B3GALNT1: variants seen among roughly 807,000 people sequenced by gnomAD.
The protein encoded by B3GALNT1 is beta-1,3-N-acetylgalactosaminyltransferase 1 (Globoside blood group), also known as UDP-GalNAc:beta-1,3-N-acetylgalactosaminyltransferase 1.
B3GALNT1 carries 17 observed loss-of-function variants against 27.3 expected under a neutral mutation model. That is an observed-to-expected ratio of 0.62 (90% CI 0.43 to 0.94). B3GALNT1 has a LOEUF of 0.94. Among genes scored for constraint, B3GALNT1 ranks in the 40% least tolerant of loss-of-function variants. B3GALNT1 has a pLI of 0.00. For missense variants in B3GALNT1, 347 were observed against 390.0 expected (o/e 0.89, Z 0.93); for synonymous variants, 141 against 144.0 (o/e 0.98, Z 0.15).
chr3:161,084,754 T>C lies in B3GALNT1; in HGVS notation c.*1005A>G, dbSNP rs1720902048. The C allele has an allele frequency of 1.3e-5, 2 of 152,156 alleles. No homozygotes were observed. Among genetic ancestry groups the C allele is most frequent in the African/African-American group, 2.4e-5 (1 of 41,450 alleles). 9.4% of individuals were successfully genotyped at this position (152,156 alleles called of 1,614,324 possible). A position where few individuals can be genotyped will look rare whatever the true frequency, so the allele number is the denominator to read the frequency against. On this transcript the variant is annotated 3_prime_UTR_variant, in exon 5 of 5. Transcript: ENST00000320474. ...ACACAGGGCAGATTAATAATGCAACTTGGATCTTCACTCTTCTCTTTCCAA... is the reference window on the plus strand; with the variant it reads ...ACACAGGGCAGATTAATAATGCAACCTGGATCTTCACTCTTCTCTTTCCAA...
Position 161,086,341 on chromosome 3 carries a change from A to G in B3GALNT1, c.414T>C (p.Leu138=). The G allele has an allele frequency of 6.2e-7, 1 of 1,614,162 alleles. No individual in the cohort carries two copies. Among genetic ancestry groups the G allele is most frequent in the Non-Finnish European group, 8.5e-7 (1 of 1,180,034 alleles). The change falls in exon 5 of 5, where the codon CTT becomes CTC. Residue 138 remains leucine, a synonymous_variant. Coordinates refer to ENST00000320474, the MANE Select transcript of B3GALNT1 (RefSeq NM_003781.4). ...CTTGTCGGATTATGTCACCATAAAGAAGGTGTTCATCCTCTAAGGACAATG... is the reference window on the plus strand; with the variant it reads ...CTTGTCGGATTATGTCACCATAAAGGAGGTGTTCATCCTCTAAGGACAATG... ...MLALSLEDEH[L]LYGDIIRQDF...
In B3GALNT1 at chr3:161,086,300, T is replaced by C. The variant is rs1290300815; in HGVS notation, c.455A>G (p.Tyr152Cys). The C allele has an allele frequency of 6.2e-7, 1 of 1,614,218 alleles. No homozygotes were observed. The highest frequency in any genetic ancestry group is 1.1e-5 in the South Asian group (1 of 91,078). The change falls in exon 5 of 5, where the codon TAT becomes TGT. Residue 152 changes from tyrosine to cysteine, a missense_variant. By Grantham distance (194) the Tyr-to-Cys change is radical. Coordinates refer to ENST00000320474, the MANE Select transcript of B3GALNT1 (RefSeq NM_003781.4). ...AATGGTTTTCAAGGTCAGGTTATTA[T>C]ATGTGTCTAAAAAATCTTGTCGGAT... ...DIIRQDFLDT[Y>C]NNLTLKTIMA...
intron 4 of B3GALNT1, among the ~76,000 whole-genome samples, chr3:161,098,579 G>A (rs1292752854): frequency 6.6e-6 from 1 of 152,146 alleles, no homozygotes; most frequent in African/African-American, 2.4e-5. Flanking sequence ...CAGGCATACT[G>A]GTGCATGCCT....
In B3GALNT1 at chr3:161,086,584, C is replaced by A. The variant is rs201325607; in HGVS notation, c.171G>T (p.Pro57=). Residue 57 remains proline, a synonymous_variant, in exon 5 of 5, where the codon CCG becomes CCT. Transcript: ENST00000320474. ...TGAAGTGAAAGTCTTGTCTGTAAATCGGCTCATACTCATAGAAGTACATCC... is the reference window on the plus strand; with the variant it reads ...TGAAGTGAAAGTCTTGTCTGTAAATAGGCTCATACTCATAGAAGTACATCC... ...VNWMYFYEYE[P]IYRQDFHFTL... 3.7e-6 allele frequency: 6 copies of A among 1,614,116 alleles called. No homozygotes were observed. In the South Asian group the frequency reaches 6.6e-5, roughly 18 times the overall value.
At position 161,090,475 on chromosome 3, in the gene B3GALNT1, T is replaced by C. The variant is rs186727824; in HGVS notation, c.-34-3687A>G. 5.9e-5 allele frequency among the ~76,000 whole-genome samples: 9 copies of C among 152,166 alleles called. No homozygotes were observed. The East Asian group carries it at 1.7e-3, about 29-fold the overall frequency. On this transcript the variant is annotated intron_variant, in intron 4 of 4. Transcript: ENST00000320474. ...ACATTTAAAAAGAAAACTAATAATA[T>C]TAGGTAATACAAGCCTTCTCAACAA... is the stretch of plus-strand genomic sequence containing the variant.
intron 4 of B3GALNT1, among the ~76,000 whole-genome samples, chr3:161,096,124 G>C (rs539856108): frequency 6.6e-6 from 1 of 152,264 alleles, no homozygotes; most frequent in East Asian, 1.9e-4. Context: ...ACACATAGTA[G>C]GCTCTCTGTA....
At position 161,101,159 on chromosome 3, in the gene B3GALNT1, G is replaced by A; in HGVS notation, c.-55C>T. On this transcript the variant is annotated 5_prime_UTR_variant, in exon 4 of 5. Transcript: ENST00000320474. ...CACACCTTTACACTCGGGGTGAGTAGTCGGAGAGCACCACGTGATAGAGCA... is the reference window on the plus strand; with the variant it reads ...CACACCTTTACACTCGGGGTGAGTAATCGGAGAGCACCACGTGATAGAGCA... The A allele has an allele frequency of 3.9e-6, 5 of 1,289,848 alleles. No individual in the cohort carries two copies. Among genetic ancestry groups the A allele is most frequent in the Non-Finnish European group, 5.1e-6 (5 of 988,870 alleles). 79.9% of individuals were successfully genotyped at this position (1,289,848 alleles called of 1,614,324 possible).
At chr3:161,087,391 A>G (rs181332264) in intron 4 of B3GALNT1, among the ~76,000 whole-genome samples, 7 of 152,346 alleles carry the variant, frequency 4.6e-5, no homozygotes, top group Non-Finnish European at 7.3e-5. Context: ...CTCCAGACAC[A>G]AATAGGATCA....
At chr3:161,094,704 T>C (rs1357955793) in intron 4 of B3GALNT1, among the ~76,000 whole-genome samples, 1 of 152,058 alleles carries the variant, frequency 6.6e-6, no homozygotes, top group Non-Finnish European at 1.5e-5. Flanking sequence ...AATTTAGAGA[T>C]GTGTCTTGCT....
intron 4 of B3GALNT1, among the ~76,000 whole-genome samples, chr3:161,092,014 T>C (rs1234734428): frequency 6.6e-6 from 1 of 152,206 alleles, no homozygotes; most frequent in African/African-American, 2.4e-5. Flanking sequence ...AAACTTTACA[T>C]TGGAGGATCA....
In B3GALNT1 at chr3:161,095,891, G is replaced by A. The variant is rs185029457; in HGVS notation, c.-35+5248C>T. On this transcript the variant is annotated intron_variant, in intron 4 of 4. Transcript: ENST00000320474. ...CCCCCGAGTGTTCTTTCAGCAATTC[G>A]CCCATCCACCCACTCCCCTCGGACC... 1.2e-4 allele frequency among the ~76,000 whole-genome samples: 18 copies of A among 152,232 alleles called. No homozygotes were observed. In the South Asian group the frequency reaches 1.7e-3, roughly 14 times the overall value.
At chr3:161,099,227 C>T (rs904403113) in intron 4 of B3GALNT1, among the ~76,000 whole-genome samples, 4 of 152,132 alleles carry the variant, frequency 2.6e-5, no homozygotes, top group African/African-American at 9.7e-5. Context: ...CTATCTTTAG[C>T]CTTTTCTCAT....
At chr3:161,089,572 C>G (rs34268020) in intron 4 of B3GALNT1, among the ~76,000 whole-genome samples, 1,669 of 152,098 alleles carry the variant, frequency 0.011, 31 homozygotes, top group African/African-American at 0.038. Context: ...ACTGAAAGAA[C>G]AAATATAGAA....
chr3:161,089,034 C>G (rs1167824148), intron 4 of B3GALNT1, among the ~76,000 whole-genome samples: 2 of 152,178 alleles, frequency 1.3e-5, no homozygotes, highest in Non-Finnish European at 2.9e-5. Context: ...CTCTAAAGAA[C>G]TGGCCAGAAC....
intron 2 of B3GALNT1, among the ~76,000 whole-genome samples, 196 bp from the exon 3 acceptor site, chr3:161,103,713 T>C (rs1732666184): frequency 6.6e-6 from 1 of 152,188 alleles, no homozygotes; most frequent in Non-Finnish European, 1.5e-5. Flanking sequence ...AAATTATACT[T>C]GGACACTGTT....
At chr3:161,102,225 G>T (rs1466921263) in intron 3 of B3GALNT1, among the ~76,000 whole-genome samples, 1 of 152,090 alleles carries the variant, frequency 6.6e-6, no homozygotes, top group Non-Finnish European at 1.5e-5. Context: ...GACACAGAAA[G>T]AGAAGCAACA....
chr3:161,092,768 T>TTC (rs1576695543), intron 4 of B3GALNT1, among the ~76,000 whole-genome samples: 1 of 141,470 alleles, frequency 7.1e-6, no homozygotes, highest in East Asian at 2.1e-4. Context: ...TTTTTCTTTT[T>TTC]TTTTTTTTTT....
At chr3:161,097,865 T>C (rs1387912785) in intron 4 of B3GALNT1, among the ~76,000 whole-genome samples, 1 of 152,190 alleles carries the variant, frequency 6.6e-6, no homozygotes, top group Non-Finnish European at 1.5e-5. Flanking sequence ...GGTTTACATT[T>C]TTCTCCTTAC....
Position 161,086,707 on chromosome 3 carries a change from T to A in B3GALNT1, c.48A>T (p.Arg16Ser). 6.2e-7 allele frequency: 1 copy of A among 1,614,114 alleles called. No homozygotes were observed. The highest frequency in any genetic ancestry group is 8.5e-7 in the Non-Finnish European group (1 of 1,180,026). The change falls in exon 5 of 5, where the codon AGA becomes AGT. Residue 16 changes from arginine to serine, a missense_variant. By Grantham distance (110) the Arg-to-Ser change is moderately radical. Coordinates refer to ENST00000320474, the MANE Select transcript of B3GALNT1 (RefSeq NM_003781.4). ...GCAGCAGGAGGCTCCATTTGAGGGA[T>A]CTCAGTGACATCCTACTCGGAAGGA... Reference protein sequence around the residue: ...WTVLPSRMSLRSLKWSLLLLS... With the variant: ...WTVLPSRMSLSSLKWSLLLLS...
Sources: gnomAD v4.1 joint callset for allele counts (sites outside exome capture counted in the v4.1 genomes callset) on GRCh38, gnomAD v4.1.1 for gene constraint, MANE v1.5 for transcripts, NCBI Gene and HGNC (gene_info 2026-07-23, HGNC 2026-07-21) for gene names.